The following COL11A1 variants were observed in gnomAD, a reference collection of about 807,000 sequenced individuals.
The protein encoded by COL11A1 is collagen alpha-1(XI) chain.
A neutral mutation model predicts 265.2 loss-of-function variants in COL11A1; 74 were observed. That is an observed-to-expected ratio of 0.28 (90% CI 0.23 to 0.34). COL11A1 has a LOEUF of 0.34. Among genes scored for constraint, COL11A1 ranks in the 10% least tolerant of loss-of-function variants. The pLI is 1.00. For synonymous variants in COL11A1, 816 were observed against 727.6 expected (o/e 1.12, Z -1.96); for missense variants, 2,165 against 2,263.6 (o/e 0.96, Z 0.88).
At position 102,899,481 on chromosome 1, in the gene COL11A1, A is replaced by T. The variant is rs544109953; in HGVS notation, c.4087-487T>A. Among the ~76,000 whole-genome samples, 27 of 152,252 alleles carry T rather than the reference A, an allele frequency of 1.8e-4. No homozygotes were observed. In the South Asian group the frequency reaches 5.4e-3, roughly 30 times the overall value. On this transcript the variant is annotated intron_variant, in intron 54 of 66. Coordinates refer to ENST00000370096, the MANE Select transcript of COL11A1 (RefSeq NM_001854.4). The stretch of plus-strand genomic sequence containing the variant: ...AAGAAACACAATATTTTAAATTATG[A>T]TGGTCAACAGACACAGTATTTTCAT...
chr1:102,952,099 C>A (rs904768171), intron 41 of COL11A1, among the ~76,000 whole-genome samples: 1 of 151,578 alleles, frequency 6.6e-6, no homozygotes, highest in Admixed American at 6.6e-5. Flanking sequence ...TTTGTAGATA[C>A]TGTATACTAT....
At chr1:103,057,151 A>T (rs1211928792) in intron 4 of COL11A1, among the ~76,000 whole-genome samples, 1 of 152,150 alleles carries the variant, frequency 6.6e-6, no homozygotes, top group East Asian at 1.9e-4. Context: ...GTATTTTCAA[A>T]CTCTGTTGCT....
chr1:103,085,692 A>C (rs1672796095), intron 1 of COL11A1, among the ~76,000 whole-genome samples: 1 of 152,214 alleles, frequency 6.6e-6, no homozygotes, highest in Admixed American at 6.5e-5. Context: ...AGCATGCCTG[A>C]GATATAAAAA....
chr1:102,933,445 CTG>C, intron 46 of COL11A1, among the ~76,000 whole-genome samples: 9 of 151,262 alleles, frequency 5.9e-5, no homozygotes, highest in Non-Finnish European at 1.2e-4. Context: ...GGCAGTCTGC[CTG>C]TTCTCAGATC....
intron 46 of COL11A1, among the ~76,000 whole-genome samples, chr1:102,925,005 T>C (rs1394504029): frequency 6.6e-6 from 1 of 151,630 alleles, no homozygotes; most frequent in Admixed American, 6.6e-5. Flanking sequence ...ATACATCTTA[T>C]ATATGCTATA....
At position 102,876,509 on chromosome 1, in the gene COL11A1, TC is replaced by T. The variant is rs1649522882; in HGVS notation, c.*1509del. 6.6e-6 allele frequency: 1 copy of T among 152,472 alleles called. No homozygotes were observed. The highest frequency in any genetic ancestry group is 2.4e-5 in the African/African-American group (1 of 41,452). The allele number at this position is 152,472 out of a possible 1,614,324, so 9.4% of individuals were successfully genotyped here. A position where few individuals can be genotyped will look rare whatever the true frequency, so the allele number is the denominator to read the frequency against. ...TGAGTTTATTTATTGGATTCATATC[TC>T]CCTTCTTAAAAGGACATTTACAAAC... On this transcript the variant is annotated 3_prime_UTR_variant, in exon 67 of 67. Transcript: ENST00000370096.
intron 54 of COL11A1, among the ~76,000 whole-genome samples, chr1:102,911,783 T>C (rs909473409): frequency 6.6e-6 from 1 of 152,204 alleles, no homozygotes; most frequent in African/African-American, 2.4e-5. Context: ...GATGCATTCA[T>C]GTTTTTACAA....
intron 4 of COL11A1, among the ~76,000 whole-genome samples, chr1:103,070,628 T>A (rs1054811222): frequency 4.6e-5 from 7 of 152,016 alleles, no homozygotes; most frequent in East Asian, 3.9e-4. Flanking sequence ...ATTATGATGA[T>A]GGTTTCACAG....
chr1:103,061,728 T>A (rs1670692308), intron 4 of COL11A1, among the ~76,000 whole-genome samples: 1 of 152,006 alleles, frequency 6.6e-6, no homozygotes, highest in Admixed American at 6.6e-5. Context: ...ATTGAATGAA[T>A]ATATTAGAAA....
intron 57 of COL11A1, among the ~76,000 whole-genome samples, chr1:102,893,978 T>C (rs549665790): frequency 6.6e-6 from 1 of 152,296 alleles, no homozygotes; most frequent in South Asian, 2.1e-4. Context: ...TTATTTAACA[T>C]TTTGTTATCA....
intron 1 of COL11A1, among the ~76,000 whole-genome samples, chr1:103,087,386 T>G (rs909813086): frequency 5.9e-5 from 9 of 152,194 alleles, no homozygotes; most frequent in Non-Finnish European, 1.2e-4. Flanking sequence ...CCAACTTGAT[T>G]AAGCTTCCAA....
chr1:103,010,364 A>G (rs761522841), intron 14 of COL11A1, among the ~76,000 whole-genome samples: 4 of 152,172 alleles, frequency 2.6e-5, no homozygotes, highest in Non-Finnish European at 5.9e-5. Flanking sequence ...AAAAGAAACA[A>G]TATGATTTTT....
chr1:102,905,413 A>G lies in COL11A1; in HGVS notation c.4087-6419T>C, dbSNP rs184896829. Among the ~76,000 whole-genome samples, 93 of 150,796 alleles carry G rather than the reference A, an allele frequency of 6.2e-4. 1 individual carries two copies. The highest frequency in any genetic ancestry group is 2.2e-3 in the African/African-American group (92 of 41,176). ...AATTAAAAAAAAAGGAAAGAGAGAG[A>G]AAGGAAGGAAGGAAGAAAGGAAGAA... is the stretch of plus-strand genomic sequence containing the variant. On this transcript the variant is annotated intron_variant, in intron 54 of 66. Coordinates refer to ENST00000370096, the MANE Select transcript of COL11A1 (RefSeq NM_001854.4).
intron 1 of COL11A1, among the ~76,000 whole-genome samples, chr1:103,083,943 T>C (rs113831840): frequency 1.1e-3 from 170 of 152,262 alleles, no homozygotes; most frequent in Admixed American, 2.1e-3. Context: ...TAAAATATGT[T>C]TGGAACCTTA....
chr1:102,994,624 T>C (rs1664449393), intron 28 of COL11A1, among the ~76,000 whole-genome samples: 1 of 152,012 alleles, frequency 6.6e-6, no homozygotes, highest in Admixed American at 6.6e-5. Flanking sequence ...TCTAATAGAG[T>C]ATGTTCTTAT....
intron 13 of COL11A1, among the ~76,000 whole-genome samples, 176 bp from the exon 14 acceptor site, chr1:103,012,645 G>A (rs1666224172): frequency 2.0e-5 from 3 of 152,006 alleles, no homozygotes; most frequent in African/African-American, 7.2e-5. Flanking sequence ...AATGACAAAA[G>A]AGGTAAATAT....
intron 58 of COL11A1, among the ~76,000 whole-genome samples, chr1:102,890,237 G>C (rs1651572429): frequency 1.3e-5 from 2 of 152,040 alleles, no homozygotes; most frequent in Admixed American, 1.3e-4. Flanking sequence ...GGAACCTTGA[G>C]AAGATATAGC....
intron 42 of COL11A1, among the ~76,000 whole-genome samples, chr1:102,941,156 C>T (rs1369554695): frequency 3.9e-5 from 6 of 151,900 alleles, no homozygotes; most frequent in Non-Finnish European, 8.8e-5. Context: ...TTTTCATTAC[C>T]CCACTTTCCC....
At chr1:103,101,154 T>C (rs1674233065) in intron 1 of COL11A1, among the ~76,000 whole-genome samples, 1 of 151,836 alleles carries the variant, frequency 6.6e-6, no homozygotes, top group Non-Finnish European at 1.5e-5. Context: ...TTAACATCAC[T>C]AAAGTGCAAG....
Sources: gnomAD v4.1 joint callset for allele counts (sites outside exome capture counted in the v4.1 genomes callset) on GRCh38, gnomAD v4.1.1 for gene constraint, MANE v1.5 for transcripts, NCBI Gene and HGNC (gene_info 2026-07-23, HGNC 2026-07-21) for gene names.